Variants in SCN1A observed in about 807,000 individuals in gnomAD.
SCN1A encodes the protein sodium voltage-gated channel alpha subunit 1.
SCN1A carries 13 observed loss-of-function variants against 193.7 expected under a neutral mutation model. That is an observed-to-expected ratio of 0.07 (90% CI 0.04 to 0.11). The LOEUF (loss-of-function observed/expected upper bound fraction) is 0.11. SCN1A is among the 10% of genes least tolerant of loss of function. SCN1A has a pLI of 1.00. For missense variants in SCN1A, 1,432 were observed against 2,451.1 expected (o/e 0.58, Z 8.78); for synonymous variants, 781 against 843.6 (o/e 0.93, Z 1.29).
At chr2:166,068,438 G>C (rs1460948010) in intron 4 of SCN1A, among the ~76,000 whole-genome samples, 1 of 152,214 alleles carries the variant, frequency 6.6e-6, no homozygotes, top group East Asian at 1.9e-4. Context: ...GGTCCTGGAT[G>C]TAAGGGAGAG....
intron 19 of SCN1A, among the ~76,000 whole-genome samples, chr2:166,030,708 G>A (rs574784385): frequency 1.3e-5 from 2 of 151,514 alleles, no homozygotes; most frequent in African/African-American, 4.8e-5. Flanking sequence ...TAGATTTAGC[G>A]ATTTGCTCAT....
At chr2:166,025,679 A>AT (rs942153312) in intron 19 of SCN1A, among the ~76,000 whole-genome samples, 7 of 151,480 alleles carry the variant, frequency 4.6e-5, no homozygotes, top group East Asian at 1.9e-4. Flanking sequence ...TGTCTTACTG[A>AT]TTTTTTTTTC....
intron 2 of SCN1A, among the ~76,000 whole-genome samples, chr2:166,091,009 G>C (rs528784399): frequency 6.6e-6 from 1 of 152,176 alleles, no homozygotes; most frequent in Non-Finnish European, 1.5e-5. Flanking sequence ...GCATGAAACA[G>C]ATGTCAGGAT....
intron 2 of SCN1A, among the ~76,000 whole-genome samples, chr2:166,079,328 C>T (rs1477569075): frequency 6.7e-6 from 1 of 150,244 alleles, no homozygotes; most frequent in East Asian, 1.9e-4. Context: ...GAATTGAACC[C>T]TGTACTTCCT....
chr2:166,082,629 G>C (rs1444187579), intron 2 of SCN1A, among the ~76,000 whole-genome samples: 1 of 151,984 alleles, frequency 6.6e-6, no homozygotes. Context: ...TTTTAATCCT[G>C]CTGAACTATA....
At chr2:166,103,449 T>TAAA (rs1688348528) in intron 2 of SCN1A, among the ~76,000 whole-genome samples, 18 of 142,916 alleles carry the variant, frequency 1.3e-4, no homozygotes, top group African/African-American at 4.7e-4. Flanking sequence ...AGACTCTGTC[T>TAAA]TAAATAAATA....
intron 17 of SCN1A, among the ~76,000 whole-genome samples, chr2:166,038,848 G>T (rs1435167805): frequency 6.6e-6 from 1 of 152,132 alleles, no homozygotes; most frequent in East Asian, 1.9e-4. Context: ...CTCCTTAGGG[G>T]TATTCATGTA....
rs1478405580 is a variant in SCN1A, at chr2:166,033,847, A to G, written c.3429+2201T>C. 6.2e-5 allele frequency among the ~76,000 whole-genome samples: 9 copies of G among 145,526 alleles called. 1 individual carries two copies. The highest frequency in any genetic ancestry group is 4.2e-4 in the Admixed American group (6 of 14,320). On this transcript the variant is annotated intron_variant, in intron 19 of 28. Transcript: ENST00000674923. ...TAAAATAGTCTTTTTCCTTTTTAAT[A>G]TAACAGATAGCATATGGTAGCCATT...
chr2:165,999,247 C>T (rs1288659708), intron 25 of SCN1A: 2 of 154,930 alleles, frequency 1.3e-5, no homozygotes, highest in African/African-American at 2.4e-5. Flanking sequence ...TAAAAACATT[C>T]TTTTATATGG....
chr2:165,995,856 C>T (rs1689961442), intron 27 of SCN1A, among the ~76,000 whole-genome samples, 157 bp downstream of exon 27: 1 of 151,344 alleles, frequency 6.6e-6, no homozygotes, highest in Non-Finnish European at 1.5e-5. Flanking sequence ...TTTGTTGTTA[C>T]CATTATCATA....
At chr2:166,054,947 G>A (rs1338219832) in intron 6 of SCN1A, among the ~76,000 whole-genome samples, 181 bp from the exon 7 acceptor site, 1 of 151,962 alleles carries the variant, frequency 6.6e-6, no homozygotes, top group South Asian at 2.1e-4. Context: ...AACACAAAGA[G>A]TTGTTTCGTA....
At chr2:166,027,641 A>G (rs1694980124) in intron 19 of SCN1A, among the ~76,000 whole-genome samples, 1 of 151,492 alleles carries the variant, frequency 6.6e-6, no homozygotes. Flanking sequence ...TATATATTTA[A>G]CATATAAAGA....
At position 166,056,437 on chromosome 2, in the gene SCN1A, G is replaced by T. The variant is rs1484003948; in HGVS notation, c.447C>A (p.Asn149Lys). Residue 149 changes from asparagine (N) to lysine (K), a missense_variant, in exon 6 of 29, where the codon AAC becomes AAA. Physicochemically the swap from Asn to Lys is moderately conservative, Grantham distance 94. This residue lies in a region of SCN1A where 123 missense variants were observed against 282.8 expected (regional missense o/e 0.43). Coordinates refer to ENST00000674923, the MANE Select transcript of SCN1A (RefSeq NM_001165963.4). ...LTNCVFMTMS[N>K]PPDWTKNVEY... ...CTACATTCTTTGTCCAATCAGGAGG[G>T]TTACTCATTGTCATAAACACACAGT... is the stretch of plus-strand genomic sequence containing the variant. 6.2e-7 allele frequency: 1 copy of T among 1,601,356 alleles called. No individual in the cohort carries two copies. The highest frequency in any genetic ancestry group is 8.6e-7 in the Non-Finnish European group (1 of 1,168,656).
chr2:166,003,716 G>T (rs897525868), intron 23 of SCN1A, among the ~76,000 whole-genome samples: 1 of 151,552 alleles, frequency 6.6e-6, no homozygotes, highest in African/African-American at 2.4e-5. Flanking sequence ...CTTATAAGGG[G>T]CAGCTGCCTC....
chr2:165,991,424 C>A lies in SCN1A; in HGVS notation c.5851G>T (p.Ala1951Ser), dbSNP rs376656165. 2.2e-5 allele frequency: 36 copies of A among 1,613,650 alleles called. No homozygotes were observed. Among genetic ancestry groups the A allele is most frequent in the Non-Finnish European group, 3.1e-5 (36 of 1,179,842 alleles). The change falls in exon 29 of 29, where the codon GCT becomes TCT. Residue 1951 changes from alanine to serine, a missense_variant. Ala to Ser is a moderately conservative substitution (Grantham distance 99). Coordinates refer to ENST00000674923, the MANE Select transcript of SCN1A (RefSeq NM_001165963.4). ...TYNKNKIKGGANLLIKEDMII... is the reference protein window; with the variant it reads ...TYNKNKIKGGSNLLIKEDMII... ...ATGTCTTCTTTTATAAGAAGATTAG[C>A]CCCACCTTTGATTTTGTTTTTATTG...
In SCN1A at chr2:166,015,659, C is replaced by T. The variant is rs145410000; in HGVS notation, c.3498G>A (p.Gln1166=). 2.4e-5 allele frequency: 39 copies of T among 1,612,948 alleles called. No individual in the cohort carries two copies. The highest frequency in any genetic ancestry group is 2.3e-4 in the Admixed American group (14 of 59,966). ...GAGTTTCTTCAGGTTCCACTACGGG[C>T]TGTTCTTCTACAGGTGCGCCGATGT... is the stretch of plus-strand genomic sequence containing the variant. ...TVDIGAPVEE[Q]PVVEPEETLE... Residue 1166 remains glutamine, a synonymous_variant, in exon 20 of 29, where the codon CAG becomes CAA. Transcript: ENST00000674923.
In SCN1A at chr2:166,034,096, T is replaced by C. The variant is rs117157418; in HGVS notation, c.3429+1952A>G. 7.4e-4 allele frequency among the ~76,000 whole-genome samples: 79 copies of C among 107,348 alleles called. No homozygotes were observed. In the East Asian group the frequency reaches 0.026, roughly 35 times the overall value. The allele number at this position is 107,348 out of a possible 152,430, so 70.4% of individuals were successfully genotyped here. A position where few individuals can be genotyped will look rare whatever the true frequency, so the allele number is the denominator to read the frequency against. The stretch of plus-strand genomic sequence containing the variant: ...ATTTCTGTAAAAAAGTCCACAATAT[T>C]TGATAAAAACAGTCTATTTTTTTTT... On this transcript the variant is annotated intron_variant, in intron 19 of 28. Transcript: ENST00000674923.
In SCN1A at chr2:166,005,938, C is replaced by T. The variant is rs530695185; in HGVS notation, c.4003-3185G>A. On this transcript the variant is annotated intron_variant, in intron 23 of 28. Transcript: ENST00000674923. ...GAAGCTTTTTTTTCAAAACAATCAT[C>T]AAATAAAGTTTCTCTACTCTAGCAC... Among the ~76,000 whole-genome samples the T allele has an allele frequency of 3.7e-4, 56 of 151,262 alleles. No individual in the cohort carries two copies. The South Asian group carries it at 0.011, about 30-fold the overall frequency.
chr2:166,058,021 C>T (rs1699297736), intron 5 of SCN1A, among the ~76,000 whole-genome samples: 1 of 152,046 alleles, frequency 6.6e-6, no homozygotes, highest in Non-Finnish European at 1.5e-5. Context: ...ATTTGAAATT[C>T]AGCCAATATT....
Sources: allele counts gnomAD v4.1 joint callset (sites outside exome capture counted in the v4.1 genomes callset), GRCh38; gene constraint gnomAD v4.1.1; regional missense constraint gnomAD v4.1.1; transcripts MANE v1.5; gene names NCBI Gene and HGNC (gene_info 2026-07-23, HGNC 2026-07-21).